The following GSK3B variants were observed in gnomAD, a reference collection of about 807,000 sequenced individuals.
GSK3B encodes the protein glycogen synthase kinase 3 beta.
In GSK3B, 15 loss-of-function variants were observed where a neutral mutation model predicts 56.4. The observed-to-expected ratio is 0.27, with a 90% CI of 0.18 to 0.41. The LOEUF is 0.41. Ranked by LOEUF, GSK3B falls within the 10% of genes least tolerant of loss-of-function variation. The pLI is 1.00. For synonymous variants in GSK3B, 181 were observed against 188.9 expected, an observed-to-expected ratio of 0.96 and a Z score of 0.34; for missense variants, 300 against 513.4, an observed-to-expected ratio of 0.58 and a Z score of 4.02.
chr3:120,050,144 A>T (rs1443467368), intron 1 of GSK3B, among the ~76,000 whole-genome samples: 1 of 152,176 alleles, frequency 6.6e-6, no homozygotes, highest in African/African-American at 2.4e-5. Context: ...ATAACAATCC[A>T]TTATCTCAGA....
chr3:119,946,703 A>G (rs145871444), intron 3 of GSK3B, among the ~76,000 whole-genome samples: 92 of 152,346 alleles, frequency 6.0e-4, no homozygotes, highest in African/African-American at 2.2e-3. Flanking sequence ...AGTTATTAAC[A>G]GCACAAAGTC....
At chr3:119,855,197 A>C (rs2056000796) in intron 9 of GSK3B, among the ~76,000 whole-genome samples, 1 of 152,166 alleles carries the variant, frequency 6.6e-6, no homozygotes, top group Admixed American at 6.5e-5. Context: ...CATAAGGAAG[A>C]CATTTATGCA....
intron 6 of GSK3B, 39 bp from the exon 7 acceptor site, chr3:119,905,891 T>C (rs977798942): frequency 9.2e-6 from 10 of 1,086,324 alleles, no homozygotes; most frequent in South Asian, 2.5e-5. Flanking sequence ...TAATACTTCA[T>C]AGCTTGAGCT....
chr3:120,091,521 A>G (rs903776603), intron 1 of GSK3B, among the ~76,000 whole-genome samples: 1 of 152,218 alleles, frequency 6.6e-6, no homozygotes, highest in Non-Finnish European at 1.5e-5. Context: ...CCCAAAATGT[A>G]GCATTATAAT....
intron 4 of GSK3B, among the ~76,000 whole-genome samples, chr3:119,919,846 T>C (rs1207800245): frequency 6.7e-6 from 1 of 149,232 alleles, no homozygotes; most frequent in African/African-American, 2.5e-5. Context: ...ATAAAGAAGG[T>C]GACACACACA....
At chr3:119,860,566 T>C (rs1478262125) in intron 9 of GSK3B, among the ~76,000 whole-genome samples, 1 of 152,218 alleles carries the variant, frequency 6.6e-6, no homozygotes, top group Non-Finnish European at 1.5e-5. Context: ...CTAATTACTG[T>C]TTATGGCTAA....
Position 120,094,341 on chromosome 3 carries a change from G to A in GSK3B, c.-907C>T. 3.5e-6 allele frequency: 1 copy of A among 286,524 alleles called. No homozygotes were observed. Among genetic ancestry groups the A allele is most frequent in the South Asian group, 5.3e-5 (1 of 18,994 alleles). The allele number at this position is 286,524 out of a possible 1,614,324, so 17.7% of individuals were successfully genotyped here. A position where few individuals can be genotyped will look rare whatever the true frequency, so the allele number is the denominator to read the frequency against. On this transcript the variant is annotated 5_prime_UTR_variant, in exon 1 of 11. Transcript: ENST00000264235. ...CCAGAGCCCTGTCAGCGGCTGCGGGGCCGGCTCCTCCTCGCTTCCTTCCTT... is the reference window on the plus strand; with the variant it reads ...CCAGAGCCCTGTCAGCGGCTGCGGGACCGGCTCCTCCTCGCTTCCTTCCTT...
At chr3:119,953,446 G>C (rs1174292902) in intron 2 of GSK3B, among the ~76,000 whole-genome samples, 1 of 150,490 alleles carries the variant, frequency 6.6e-6, no homozygotes, top group Non-Finnish European at 1.5e-5. Flanking sequence ...TAATACTTTA[G>C]ATTCAAAGAC....
rs200541026 is a variant in GSK3B at position 120,093,764 on chromosome 3, G to A, written c.-330C>T. The A allele has an allele frequency of 1.1e-4, 31 of 283,710 alleles. No individual in the cohort carries two copies. Among genetic ancestry groups the A allele is most frequent in the Non-Finnish European group, 1.7e-4 (26 of 150,742 alleles). The allele number at this position is 283,710 out of a possible 1,614,324, so 17.6% of individuals were successfully genotyped here. ...AAAAAAATATGTATCACGTGAAACGGGGGCAAATACTTGATTGAAAATGAG... is the reference window on the plus strand; with the variant it reads ...AAAAAAATATGTATCACGTGAAACGAGGGCAAATACTTGATTGAAAATGAG... On this transcript the variant is annotated 5_prime_UTR_variant, in exon 1 of 11. Transcript: ENST00000264235.
rs2058546616 is a variant in GSK3B at position 120,094,400 on chromosome 3, G to A, written c.-966C>T. The A allele has an allele frequency of 3.1e-5, 10 of 325,934 alleles. No homozygotes were observed. In the East Asian group the frequency reaches 3.9e-4, roughly 13 times the overall value. 20.2% of individuals were successfully genotyped at this position (325,934 alleles called of 1,614,324 possible). On this transcript the variant is annotated 5_prime_UTR_variant, in exon 1 of 11. Transcript: ENST00000264235. Reference sequence around the variant, plus strand: ...ACTTGGCCCGGGCGGCGGCGGCGGCGGCGGCGGCACAAGCCCGCATTCGCC... The same window carrying A: ...ACTTGGCCCGGGCGGCGGCGGCGGCAGCGGCGGCACAAGCCCGCATTCGCC...
intron 8 of GSK3B, among the ~76,000 whole-genome samples, chr3:119,873,991 A>AGAC (rs1247815013): frequency 1.3e-5 from 2 of 152,196 alleles, no homozygotes; most frequent in East Asian, 3.8e-4. Flanking sequence ...TGCTTTACAT[A>AGAC]GACGATTCAA....
intron 2 of GSK3B, among the ~76,000 whole-genome samples, chr3:119,975,392 A>T (rs1216029649): frequency 2.0e-5 from 3 of 152,148 alleles, no homozygotes; most frequent in African/African-American, 7.2e-5. Context: ...AGTTGCAGTG[A>T]GCTAAGATTG....
At chr3:119,942,210 G>C (rs1013047834) in intron 3 of GSK3B, among the ~76,000 whole-genome samples, 13 of 152,088 alleles carry the variant, frequency 8.5e-5, no homozygotes, top group African/African-American at 3.1e-4. Flanking sequence ...TAAATGAAAA[G>C]TTACTTAGAG....
intron 8 of GSK3B, among the ~76,000 whole-genome samples, chr3:119,865,515 G>A (rs1271084085): frequency 8.1e-6 from 1 of 124,194 alleles, no homozygotes; most frequent in Non-Finnish European, 1.6e-5. Context: ...TGTCACCCAG[G>A]CTGGAATGCA....
rs141339739 is a variant in GSK3B, at chr3:119,828,538, G to C, written c.1196-1683C>G. On this transcript the variant is annotated intron_variant, in intron 10 of 10. Transcript: ENST00000264235. ...AGACTCAGAAGTTTTTTTCTCTCTA[G>C]GACTGAAGGGATTTGTAGATCTACC... is the stretch of plus-strand genomic sequence containing the variant. 2.6e-5 allele frequency among the ~76,000 whole-genome samples: 4 copies of C among 152,298 alleles called. No homozygotes were observed. In the East Asian group the frequency reaches 7.7e-4, roughly 29 times the overall value.
chr3:119,862,038 T>G (rs950018514), intron 9 of GSK3B, among the ~76,000 whole-genome samples: 10 of 151,854 alleles, frequency 6.6e-5, no homozygotes, highest in African/African-American at 2.4e-4. Flanking sequence ...CATATTTATA[T>G]CTAATGTGCT....
chr3:120,009,996 C>T (rs1450494461), intron 1 of GSK3B, among the ~76,000 whole-genome samples: 2 of 152,086 alleles, frequency 1.3e-5, no homozygotes, highest in Non-Finnish European at 2.9e-5. Context: ...CTCAAACTGG[C>T]ATGATTTAAT....
intron 1 of GSK3B, among the ~76,000 whole-genome samples, chr3:120,070,501 G>A (rs79001686): frequency 0.016 from 2,447 of 151,516 alleles, 64 homozygotes; most frequent in African/African-American, 0.056. Context: ...TACCTAAGCT[G>A]TACTATACCT....
At chr3:119,941,318 T>C (rs1221134385) in intron 3 of GSK3B, among the ~76,000 whole-genome samples, 1 of 152,178 alleles carries the variant, frequency 6.6e-6, no homozygotes, top group Non-Finnish European at 1.5e-5. Flanking sequence ...TTGACTGGCG[T>C]AATACTACTA....
Sources: gnomAD v4.1 joint callset for allele counts (sites outside exome capture counted in the v4.1 genomes callset) on GRCh38, gnomAD v4.1.1 for gene constraint, MANE v1.5 for transcripts, NCBI Gene and HGNC (gene_info 2026-07-23, HGNC 2026-07-21) for gene names.